LAMA2: variants seen among roughly 807,000 people sequenced by gnomAD.
LAMA2 encodes laminin subunit alpha-2.
LAMA2 carries 269 observed loss-of-function variants against 364.8 expected under a neutral mutation model. The observed-to-expected ratio is 0.74, with a 90% CI of 0.67 to 0.82. The LOEUF is 0.82. Among genes scored for constraint, LAMA2 ranks in the 40% least tolerant of loss-of-function variants. The probability of loss-of-function intolerance (pLI) is 0.00; values close to 1 mark genes in which losing one functional copy is unlikely to be tolerated. For synonymous variants in LAMA2, 1,379 were observed against 1,370.6 expected, an observed-to-expected ratio of 1.01 and a Z score of -0.14; for missense variants, 3,807 against 3,873.2, an observed-to-expected ratio of 0.98 and a Z score of 0.45.
At chr6:129,486,366 C>A in intron 55 of LAMA2, 108 bp from the exon 56 acceptor site, 1 of 1,006,610 alleles carries the variant, frequency 9.9e-7, no homozygotes, top group Non-Finnish European at 1.6e-6. Flanking sequence ...CTTAATTTCT[C>A]AGGTAAGATC....
At chr6:129,456,807 T>A (rs1191855252) in intron 48 of LAMA2, among the ~76,000 whole-genome samples, 1 of 152,168 alleles carries the variant, frequency 6.6e-6, no homozygotes, top group East Asian at 1.9e-4. Context: ...TACCTCATCT[T>A]CTGAATCGAT....
At chr6:129,458,063 C>T (rs540902630) in intron 48 of LAMA2, among the ~76,000 whole-genome samples, 1 of 152,156 alleles carries the variant, frequency 6.6e-6, no homozygotes, top group African/African-American at 2.4e-5. Flanking sequence ...AAGGCAGATA[C>T]TAATATTCTC....
At chr6:128,978,976 A>T (rs1359343858) in intron 1 of LAMA2, among the ~76,000 whole-genome samples, 1 of 152,172 alleles carries the variant, frequency 6.6e-6, no homozygotes, top group Non-Finnish European at 1.5e-5. Context: ...AGATGAAGGG[A>T]AAGAGTTTGA....
At chr6:129,187,798 A>G (rs1781315110) in intron 10 of LAMA2, among the ~76,000 whole-genome samples, 1 of 151,906 alleles carries the variant, frequency 6.6e-6, no homozygotes, top group Non-Finnish European at 1.5e-5. Context: ...CCATTTGAGC[A>G]TCATATAGGT....
chr6:129,338,835 A>G (rs945792745), intron 29 of LAMA2, among the ~76,000 whole-genome samples: 1 of 152,206 alleles, frequency 6.6e-6, no homozygotes, highest in Non-Finnish European at 1.5e-5. Flanking sequence ...TTTGCAAATG[A>G]AAAGTCCCAG....
chr6:129,076,497 A>G (rs1048069504), intron 3 of LAMA2, among the ~76,000 whole-genome samples: 5 of 12,080 alleles, frequency 4.1e-4, no homozygotes, highest in African/African-American at 6.3e-4. Flanking sequence ...TATATTATAT[A>G]TAAATATATA....
chr6:129,057,618 G>A (rs1006107928), intron 2 of LAMA2, among the ~76,000 whole-genome samples: 1 of 152,132 alleles, frequency 6.6e-6, no homozygotes, highest in Non-Finnish European at 1.5e-5. Flanking sequence ...ACTGCTGTGA[G>A]CGGAATTTTG....
chr6:129,407,989 T>G (rs920418383), intron 40 of LAMA2, among the ~76,000 whole-genome samples: 1 of 152,190 alleles, frequency 6.6e-6, no homozygotes, highest in African/African-American at 2.4e-5. Flanking sequence ...GGGCCCCAAT[T>G]GGCCAGGTGG....
chr6:129,354,253 A>C (rs986551536), intron 32 of LAMA2, among the ~76,000 whole-genome samples: 4 of 152,176 alleles, frequency 2.6e-5, no homozygotes, highest in Admixed American at 2.6e-4. Context: ...TTAACCTCAG[A>C]AGCTAAAGCT....
At chr6:129,137,295 A>C (rs1777851365) in intron 4 of LAMA2, among the ~76,000 whole-genome samples, 1 of 152,060 alleles carries the variant, frequency 6.6e-6, no homozygotes, top group Non-Finnish European at 1.5e-5. Flanking sequence ...TTCCAAACTA[A>C]TTCAGTGCCC....
intron 1 of LAMA2, among the ~76,000 whole-genome samples, chr6:128,994,392 G>A (rs1008579194): frequency 5.1e-4 from 77 of 152,296 alleles, no homozygotes; most frequent in African/African-American, 1.8e-3. Flanking sequence ...ACACCTATGT[G>A]TGGGAATGCT....
chr6:128,914,479 G>A (rs1173282576), intron 1 of LAMA2, among the ~76,000 whole-genome samples: 2 of 152,148 alleles, frequency 1.3e-5, no homozygotes, highest in African/African-American at 4.8e-5. Flanking sequence ...TCATATATAT[G>A]TAATACTTTC....
intron 17 of LAMA2, among the ~76,000 whole-genome samples, chr6:129,274,033 T>C (rs1788120479): frequency 6.6e-6 from 1 of 151,942 alleles, no homozygotes; most frequent in Admixed American, 6.6e-5. Context: ...CAGCTTTCAA[T>C]GTGGTATTTT....
chr6:129,464,435 C>G lies in LAMA2; in HGVS notation c.7138C>G (p.Leu2380Val). The G allele has an allele frequency of 1.9e-6, 3 of 1,612,168 alleles. No individual in the cohort carries two copies. Among genetic ancestry groups the G allele is most frequent in the Non-Finnish European group, 2.5e-6 (3 of 1,178,630 alleles). ...TFSSSALLMY[L>V]ATRDLRDFMS... ...TTCTTCGAGTGCTCTTCTGATGTAT[C>G]TTGCCACACGAGACCTGGTAAAGAT... is the stretch of plus-strand genomic sequence containing the variant. The change falls in exon 50 of 65, where the codon CTT (leucine) becomes GTT (valine). Residue 2380 changes from leucine (L) to valine (V), a missense_variant. Physicochemically the swap from Leu to Val is conservative, Grantham distance 32. Transcript: ENST00000421865.
At chr6:129,403,587 C>T (rs1008328395) in intron 39 of LAMA2, among the ~76,000 whole-genome samples, 5 of 152,074 alleles carry the variant, frequency 3.3e-5, no homozygotes, top group Non-Finnish European at 7.4e-5. Context: ...TTGGAGGATG[C>T]TATGGGTATT....
intron 1 of LAMA2, among the ~76,000 whole-genome samples, chr6:129,048,695 A>T (rs1184857779): frequency 6.7e-6 from 1 of 148,652 alleles, no homozygotes; most frequent in East Asian, 2.0e-4. Context: ...GCTCACTGCA[A>T]CCTCCACCTC....
chr6:129,512,475 T>A lies in LAMA2; in HGVS notation c.8970T>A (p.Ile2990=). ...GTCAAAAAATGGATGGAATGGGTATTGAAATGATTGATGAAAAGGTGAGTG... is the reference window on the plus strand; with the variant it reads ...GTCAAAAAATGGATGGAATGGGTATAGAAATGATTGATGAAAAGGTGAGTG... ...ISSQKMDGMG[I]EMIDEKLMFH... Residue 2990 remains isoleucine (I), a synonymous_variant, in exon 63 of 65, where the codon ATT becomes ATA. Transcript: ENST00000421865. 1 of 1,613,700 alleles carries A rather than the reference T, an allele frequency of 6.2e-7. No individual in the cohort carries two copies. The highest frequency in any genetic ancestry group is 8.5e-7 in the Non-Finnish European group (1 of 1,179,654).
chr6:129,499,667 A>G (rs1785470462), intron 58 of LAMA2, among the ~76,000 whole-genome samples: 2 of 152,164 alleles, frequency 1.3e-5, no homozygotes, highest in African/African-American at 4.8e-5. Context: ...AAGGAAGAGA[A>G]GAGGAAGCAA....
chr6:129,397,545 C>G (rs2114683972), intron 37 of LAMA2, among the ~76,000 whole-genome samples: 1 of 152,200 alleles, frequency 6.6e-6, no homozygotes, highest in South Asian at 2.1e-4. Flanking sequence ...AACCCAGATA[C>G]TCTATACTTT....
Sources: gnomAD v4.1 joint callset for allele counts (sites outside exome capture counted in the v4.1 genomes callset) on GRCh38, gnomAD v4.1.1 for gene constraint, MANE v1.5 for transcripts, NCBI Gene and HGNC (gene_info 2026-07-23, HGNC 2026-07-21) for gene names.